SAMMSON: variants seen among roughly 807,000 people sequenced by gnomAD.
The protein encoded by SAMMSON is survival associated mitochondrial melanoma specific oncogenic non-coding RNA.
intron 4 of SAMMSON, among the ~76,000 whole-genome samples, chr3:70,233,603 A>G (rs1701581424): frequency 6.6e-6 from 1 of 152,186 alleles, no homozygotes; most frequent in Non-Finnish European, 1.5e-5. Flanking sequence ...AAACATTTCC[A>G]TCATACCCTC....
At chr3:70,054,213 C>T (rs979473381) in intron 3 of SAMMSON, among the ~76,000 whole-genome samples, 10 of 152,098 alleles carry the variant, frequency 6.6e-5, no homozygotes, top group Non-Finnish European at 7.4e-5. Context: ...AGTGACTACA[C>T]TTTTAATTTA....
At chr3:70,430,491 T>C (rs78695055) in intron 2 of SAMMSON, among the ~76,000 whole-genome samples, 1,860 of 152,270 alleles carry the variant, frequency 0.012, 31 homozygotes, top group African/African-American at 0.042. Flanking sequence ...TGGAGCAGTC[T>C]AGAAAGGTTT....
intron 4 of SAMMSON, among the ~76,000 whole-genome samples, chr3:70,132,634 T>A (rs2067486941): frequency 6.6e-6 from 1 of 151,926 alleles, no homozygotes; most frequent in Non-Finnish European, 1.5e-5. Flanking sequence ...GAAATAAAAC[T>A]CTCCTTTCCA....
intron 6 of SAMMSON, among the ~76,000 whole-genome samples, chr3:70,283,346 T>A (rs759166862): frequency 1.3e-5 from 2 of 152,070 alleles, no homozygotes; most frequent in African/African-American, 4.8e-5. Flanking sequence ...AGTGGCTGAA[T>A]GAATAGGGCC....
intron 3 of SAMMSON, among the ~76,000 whole-genome samples, chr3:70,070,722 T>C (rs898592228): frequency 3.3e-5 from 5 of 152,072 alleles, no homozygotes; most frequent in Non-Finnish European, 7.4e-5. Flanking sequence ...TGATAGGCTC[T>C]TGATTTTTCT....
intron 6 of SAMMSON, among the ~76,000 whole-genome samples, chr3:70,281,458 G>A (rs550087159): frequency 6.6e-6 from 1 of 152,204 alleles, no homozygotes; most frequent in Admixed American, 6.6e-5. Flanking sequence ...TCGTGAACAG[G>A]CCACTTAGTT....
At chr3:70,430,746 A>T (rs2106779830) in intron 2 of SAMMSON, among the ~76,000 whole-genome samples, 1 of 152,274 alleles carries the variant, frequency 6.6e-6, no homozygotes, top group East Asian at 1.9e-4. Flanking sequence ...CAAGATATTT[A>T]AAAATATTTT....
At chr3:70,297,528 G>T (rs1409987889) in intron 7 of SAMMSON, among the ~76,000 whole-genome samples, 2 of 151,948 alleles carry the variant, frequency 1.3e-5, no homozygotes, top group Admixed American at 1.3e-4. Flanking sequence ...AAATATGAAG[G>T]CTTATTATTG....
intron 8 of SAMMSON, among the ~76,000 whole-genome samples, chr3:70,355,907 T>C (rs1702826194): frequency 6.6e-6 from 1 of 152,184 alleles, no homozygotes; most frequent in African/African-American, 2.4e-5. Context: ...ACATTTTATT[T>C]ATGATTCTTC....
chr3:70,284,012 C>A (rs1244174748), intron 6 of SAMMSON, among the ~76,000 whole-genome samples: 1 of 152,022 alleles, frequency 6.6e-6, no homozygotes, highest in African/African-American at 2.4e-5. Flanking sequence ...GTTTCCATGC[C>A]TTTGGGTGGC....
intron 7 of SAMMSON, among the ~76,000 whole-genome samples, chr3:70,348,385 G>C (rs568568062): frequency 6.6e-6 from 1 of 152,270 alleles, no homozygotes; most frequent in Admixed American, 6.5e-5. Flanking sequence ...GAGGCTGGAT[G>C]CCTAAGGTCT....
At chr3:70,213,461 GTGA>G (rs1256398702) in intron 4 of SAMMSON, among the ~76,000 whole-genome samples, 1 of 152,072 alleles carries the variant, frequency 6.6e-6, no homozygotes, top group East Asian at 1.9e-4. Flanking sequence ...AGCTATAATG[GTGA>G]ATTATGTTTT....
At chr3:70,263,456 G>C (rs527971534) in intron 6 of SAMMSON, among the ~76,000 whole-genome samples, 2 of 152,202 alleles carry the variant, frequency 1.3e-5, no homozygotes, top group South Asian at 4.1e-4. Flanking sequence ...TTGTGACCCT[G>C]AATGCTCCCA....
At chr3:70,281,205 A>G (rs1208903995) in intron 6 of SAMMSON, among the ~76,000 whole-genome samples, 2 of 152,140 alleles carry the variant, frequency 1.3e-5, no homozygotes, top group Non-Finnish European at 2.9e-5. Flanking sequence ...CAGAAGGATC[A>G]TATTAAAGTT....
intron 7 of SAMMSON, among the ~76,000 whole-genome samples, chr3:70,339,738 A>C (rs1702695643): frequency 1.3e-5 from 2 of 152,202 alleles, no homozygotes; most frequent in South Asian, 4.1e-4. Context: ...GGCGATCATT[A>C]AAAAGTCAGG....
At chr3:70,341,468 T>C (rs2106728931) in intron 7 of SAMMSON, among the ~76,000 whole-genome samples, 1 of 152,318 alleles carries the variant, frequency 6.6e-6, no homozygotes, top group Admixed American at 6.5e-5. Flanking sequence ...GGATGAATCC[T>C]AGTTGGTCAA....
intron 2 of SAMMSON, among the ~76,000 whole-genome samples, chr3:70,420,758 A>G (rs1364774323): frequency 6.6e-6 from 1 of 152,162 alleles, no homozygotes; most frequent in African/African-American, 2.4e-5. Context: ...TATTTTCCTC[A>G]TTGAGCAAAG....
At chr3:70,175,039 G>A (rs987118350) in intron 4 of SAMMSON, among the ~76,000 whole-genome samples, 4 of 152,098 alleles carry the variant, frequency 2.6e-5, no homozygotes, top group Admixed American at 6.6e-5. Context: ...GCTGGTATTC[G>A]ATTGGCTTAA....
At chr3:70,213,673 G>T (rs59892538) in intron 4 of SAMMSON, among the ~76,000 whole-genome samples, 1 of 152,226 alleles carries the variant, frequency 6.6e-6, no homozygotes, top group East Asian at 1.9e-4. Flanking sequence ...TGAAAATTTT[G>T]TGAAGTTCAT....
Sources: gnomAD v4.1 joint callset for allele counts (sites outside exome capture counted in the v4.1 genomes callset) on GRCh38, gnomAD v4.1.1 for gene constraint, MANE v1.5 for transcripts, NCBI Gene and HGNC (gene_info 2026-07-23, HGNC 2026-07-21) for gene names.